The following XAF1 variants were observed in gnomAD, a reference collection of about 807,000 sequenced individuals.
XAF1 encodes XIAP-associated factor 1.
XAF1 carries 32 observed loss-of-function variants against 32.3 expected under a neutral mutation model. The ratio of observed to expected loss-of-function variants is 0.99; its 90% CI spans 0.75 to 1.33. The LOEUF is 1.33. XAF1 is among the 40% of genes most tolerant of loss of function. XAF1 has a pLI of 0.00. For missense variants in XAF1, 379 were observed against 366.0 expected (o/e 1.04, Z -0.29); for synonymous variants, 120 against 125.9 (o/e 0.95, Z 0.31).
At chr17:6,761,745 C>T (rs1487659301) in intron 4 of XAF1, 2 of 962,318 alleles carry the variant, frequency 2.1e-6, no homozygotes, top group African/African-American at 1.7e-5. Flanking sequence ...CACAACACAA[C>T]ACAGCTTCAA....
Position 6,770,897 on chromosome 17 carries a change from TAG to T in XAF1, c.765_766del (p.Gly256ArgfsTer2), listed in dbSNP as rs764591120. ...AGCCCAAGCCCAGGACCAGCTCCCC[TAG>T]AGGAGATAAAGCAGCCTATGACATT... is the stretch of plus-strand genomic sequence containing the variant. Reference protein sequence around the residue: ...SEPKPRTSSPRGDKAAYDILR... With the variant: ...SEPKPRTSSPXGDKAAYDILR... On this transcript the variant is annotated frameshift_variant, in exon 6 of 7. Transcript: ENST00000361842. LOFTEE classifies it high-confidence loss of function. The T allele has an allele frequency of 5.6e-5, 91 of 1,614,144 alleles. No homozygotes were observed. In the African/African-American group the frequency reaches 1.0e-3, roughly 18 times the overall value.
chr17:6,767,438 G>A (rs73356278), intron 5 of XAF1, among the ~76,000 whole-genome samples: 15,044 of 152,082 alleles, frequency 0.099, 2,320 homozygotes, highest in African/African-American at 0.33. Flanking sequence ...CAAATATATC[G>A]ACAGCAATAA....
Position 6,758,109 on chromosome 17 carries a change from C to G in XAF1, c.53C>G (p.Ala18Gly). The G allele has an allele frequency of 6.2e-7, 1 of 1,614,214 alleles. No homozygotes were observed. Among genetic ancestry groups the G allele is most frequent in the African/African-American group, 1.3e-5 (1 of 75,054 alleles). The part of the protein sequence containing the change: ...CRNCKRHVVS[A>G]NFTLHEAYCL... The stretch of plus-strand genomic sequence containing the variant: ...TGTAGTAAAAGACATGTAGTCTCTG[C>G]CAACTTCACCCTCCATGAGGCTTAC... The change falls in exon 2 of 7, where the codon GCC (alanine) becomes GGC (glycine). Residue 18 changes from alanine (A) to glycine (G), a missense_variant. Transcript: ENST00000361842.
intron 3 of XAF1, 165 bp downstream of exon 3, chr17:6,759,883 T>C: frequency 4.3e-6 from 5 of 1,172,350 alleles, no homozygotes; most frequent in Non-Finnish European, 6.0e-6. Flanking sequence ...ATAACACAGG[T>C]TCTCCTGTCC....
chr17:6,763,377 G>C (rs192687406), intron 5 of XAF1, among the ~76,000 whole-genome samples: 88 of 152,208 alleles, frequency 5.8e-4, no homozygotes, highest in Non-Finnish European at 9.8e-4. Flanking sequence ...GCCCAGGCTG[G>C]AGTGCAGTGG....
chr17:6,759,218 T>C (rs1358116482), intron 2 of XAF1: 8 of 1,056,496 alleles, frequency 7.6e-6, no homozygotes, highest in Non-Finnish European at 9.1e-6. Context: ...AATCTGAGTC[T>C]ACCTCCAGTT....
Position 6,762,144 on chromosome 17 carries a change from T to TGCTGGGATTACAG in XAF1, c.422-8_422-7insGGGATTACAGGCT. On this transcript the variant is annotated splice_polypyrimidine_tract_variant and intron_variant, in intron 4 of 6. Transcript: ENST00000361842. Reference sequence around the variant, plus strand: ...ACAATCATTTGTGGTGTTGTTTCTCTGCTTATTCAGGGGAAAGAATTTCAG... The same window carrying TGCTGGGATTACAG: ...ACAATCATTTGTGGTGTTGTTTCTCTGCTGGGATTACAGGCTTATTCAGGGGAAAGAATTTCAG... 5 of 1,612,708 alleles carry TGCTGGGATTACAG rather than the reference T, an allele frequency of 3.1e-6. No individual in the cohort carries two copies. The highest frequency in any genetic ancestry group is 3.4e-6 in the Non-Finnish European group (4 of 1,179,228).
chr17:6,767,461 T>G (rs1479043923), intron 5 of XAF1, among the ~76,000 whole-genome samples: 1 of 152,224 alleles, frequency 6.6e-6, no homozygotes, highest in South Asian at 2.1e-4. Flanking sequence ...GAAGTGGGTA[T>G]GCAGTGGAAT....
At chr17:6,769,015 A>T (rs1975821119) in intron 5 of XAF1, among the ~76,000 whole-genome samples, 2 of 150,734 alleles carry the variant, frequency 1.3e-5, no homozygotes, top group Non-Finnish European at 2.9e-5. Context: ...TATATTAAGC[A>T]TTCTCATTCT....
chr17:6,760,896 T>A (rs897121056), intron 4 of XAF1, among the ~76,000 whole-genome samples: 4 of 152,184 alleles, frequency 2.6e-5, no homozygotes, highest in African/African-American at 7.2e-5. Flanking sequence ...GGCTAATGCC[T>A]GTAATCCCAG....
At chr17:6,759,141 G>T in intron 2 of XAF1, 2 of 1,017,886 alleles carry the variant, frequency 2.0e-6, no homozygotes, top group Non-Finnish European at 2.4e-6. Context: ...GAGGGCCATG[G>T]GAAGTCATTT....
chr17:6,760,041 T>C (rs999841166), intron 3 of XAF1, among the ~76,000 whole-genome samples: 2 of 152,300 alleles, frequency 1.3e-5, no homozygotes, highest in Middle Eastern at 3.4e-3. Flanking sequence ...GTCCTTGATC[T>C]GCCTACAGTC....
At chr17:6,764,633 A>G (rs886362708) in intron 5 of XAF1, among the ~76,000 whole-genome samples, 2 of 152,172 alleles carry the variant, frequency 1.3e-5, no homozygotes, top group Non-Finnish European at 2.9e-5. Flanking sequence ...TGTGGTTTTC[A>G]GTCTTTAACT....
chr17:6,760,587 C>T lies in XAF1; in HGVS notation c.407C>T (p.Ala136Val). ...AGAGATGTCTGTCGCAGTGAACAGG[C>T]CCAGCTCGGGAAAGGTAAGCACACA... ...QHRDVCRSEQ[A>V]QLGKGERISA... The change falls in exon 4 of 7, where the codon GCC becomes GTC. Residue 136 changes from alanine (A) to valine (V), a missense_variant. Physicochemically the swap from Ala to Val is moderately conservative, Grantham distance 64. Transcript: ENST00000361842. 6.2e-7 allele frequency: 1 copy of T among 1,608,282 alleles called. No homozygotes were observed. Among genetic ancestry groups the T allele is most frequent in the South Asian group, 1.1e-5 (1 of 90,880 alleles).
At chr17:6,760,120 C>A (rs374399670) in intron 3 of XAF1, among the ~76,000 whole-genome samples, 2 of 152,090 alleles carry the variant, frequency 1.3e-5, no homozygotes, top group Non-Finnish European at 2.9e-5. Context: ...GAGGCCAAGG[C>A]GGGTGGATCA....
chr17:6,759,858 G>A (rs1975039824), intron 3 of XAF1, 140 bp downstream of exon 3: 1 of 1,425,584 alleles, frequency 7.0e-7, no homozygotes, highest in African/African-American at 1.4e-5. Flanking sequence ...GAGCAGTGGA[G>A]AACTAGCCCA....
rs571217117 is a variant in XAF1, at chr17:6,775,228, G to A, written c.*2059G>A. 7 of 152,102 alleles carry A rather than the reference G, an allele frequency of 4.6e-5. No individual in the cohort carries two copies. The highest frequency in any genetic ancestry group is 1.4e-4 in the African/African-American group (6 of 41,406). The allele number at this position is 152,102 out of a possible 1,614,324, so 9.4% of individuals were successfully genotyped here. On this transcript the variant is annotated 3_prime_UTR_variant, in exon 7 of 7. Coordinates refer to ENST00000361842, the MANE Select transcript of XAF1 (RefSeq NM_017523.5). The stretch of plus-strand genomic sequence containing the variant: ...CTTATAAGTAGAAGCTAAACATTGA[G>A]TACACATGGATACAAAGAAGGGAAC...
At position 6,774,936 on chromosome 17, in the gene XAF1, G is replaced by A. The variant is rs1976319387; in HGVS notation, c.*1767G>A. On this transcript the variant is annotated 3_prime_UTR_variant, in exon 7 of 7. Transcript: ENST00000361842. ...AGCACCTGTCATCCCAGCTACTTGG[G>A]AGGCCTAGGCGTGAGAATCGCTTGA... The A allele has an allele frequency of 6.6e-6, 1 of 152,122 alleles. No individual in the cohort carries two copies. The highest frequency in any genetic ancestry group is 2.4e-5 in the African/African-American group (1 of 41,390). The allele number at this position is 152,122 out of a possible 1,614,324, so 9.4% of individuals were successfully genotyped here.
At chr17:6,757,540 T>G (rs1050734441) in intron 1 of XAF1, 5 of 138,708 alleles carry the variant, frequency 3.6e-5, no homozygotes, top group Non-Finnish European at 7.8e-5. Context: ...TTCCTAACAC[T>G]GTGGACCAAA....
Sources: allele counts gnomAD v4.1 joint callset (sites outside exome capture counted in the v4.1 genomes callset), GRCh38; gene constraint gnomAD v4.1.1; transcripts MANE v1.5; gene names NCBI Gene and HGNC (gene_info 2026-07-23, HGNC 2026-07-21).